The following SMURF1 variants were observed in gnomAD, a reference collection of about 807,000 sequenced individuals.
SMURF1 encodes E3 ubiquitin-protein ligase SMURF1.
In SMURF1, 44 loss-of-function variants were observed where a neutral mutation model predicts 98.0. That is an observed-to-expected ratio of 0.45 (90% confidence interval 0.35 to 0.58). SMURF1 has a LOEUF of 0.58. SMURF1 is among the 20% of genes least tolerant of loss of function. The pLI is 0.00. For missense variants in SMURF1, 687 were observed against 938.4 expected, an observed-to-expected ratio of 0.73 and a Z score of 3.50; for synonymous variants, 396 against 374.9, an observed-to-expected ratio of 1.06 and a Z score of -0.65.
intron 11 of SMURF1, among the ~76,000 whole-genome samples, chr7:99,044,083 G>A (rs6972455): frequency 0.12 from 18,346 of 152,194 alleles, 1,307 homozygotes; most frequent in East Asian, 0.21. Context: ...AAGCCAAGGC[G>A]GGAGGATCAC....
intron 3 of SMURF1, among the ~76,000 whole-genome samples, chr7:99,059,223 C>A (rs1795959395): frequency 6.6e-6 from 1 of 150,470 alleles, no homozygotes; most frequent in Non-Finnish European, 1.5e-5. Flanking sequence ...AACGGTGAAA[C>A]CCCGTCTCTA....
Position 99,030,440 on chromosome 7 carries a change from C to T in SMURF1, c.*144G>A. ...CAACAAAAGTCCCCCATCCCCCTCC[C>T]CCAACAGAAAGGAGAGAGACAACCC... On this transcript the variant is annotated 3_prime_UTR_variant, in exon 18 of 18. Transcript: ENST00000361368. 1 of 697,262 alleles carries T rather than the reference C, an allele frequency of 1.4e-6. No individual in the cohort carries two copies. The highest frequency in any genetic ancestry group is 1.8e-5 in the South Asian group (1 of 56,222). 43.2% of individuals were successfully genotyped at this position (697,262 alleles called of 1,614,324 possible).
In SMURF1 at chr7:99,055,605, G is replaced by T. The variant is rs1000273884; in HGVS notation, c.404-740C>A. On this transcript the variant is annotated intron_variant, in intron 5 of 17. Coordinates refer to ENST00000361368, the MANE Select transcript of SMURF1 (RefSeq NM_181349.3). ...TCCCACCTCAGCCTCAGAGTAGCTA[G>T]ACTACAGGCATGTGCCACTGAGCCC... Among the ~76,000 whole-genome samples the T allele has an allele frequency of 2.0e-5, 3 of 152,174 alleles. No individual in the cohort carries two copies. In the East Asian group the frequency reaches 5.8e-4, roughly 29 times the overall value.
intron 6 of SMURF1, among the ~76,000 whole-genome samples, chr7:99,053,386 G>T (rs976980426): frequency 1.3e-5 from 2 of 151,864 alleles, no homozygotes; most frequent in Non-Finnish European, 2.9e-5. Context: ...AACATTTTAT[G>T]ACTTCATCCT....
chr7:99,093,675 TAA>T (rs1024324148), intron 1 of SMURF1, among the ~76,000 whole-genome samples: 1 of 152,114 alleles, frequency 6.6e-6, no homozygotes, highest in Admixed American at 6.5e-5. Flanking sequence ...CCTCCTTGTA[TAA>T]AGAGTTTCTC....
At chr7:99,109,849 A>G (rs1011832953) in intron 1 of SMURF1, among the ~76,000 whole-genome samples, 1 of 152,214 alleles carries the variant, frequency 6.6e-6, no homozygotes, top group Non-Finnish European at 1.5e-5. Context: ...ACATATTTCA[A>G]TTCAAAAGCT....
chr7:99,057,158 G>C (rs375188496), intron 5 of SMURF1, 47 bp downstream of exon 5: 1 of 1,602,192 alleles, frequency 6.2e-7, no homozygotes, highest in Admixed American at 1.7e-5. Flanking sequence ...AGGGTTGAAT[G>C]TAAGTTCTGG....
At chr7:99,108,094 C>T (rs141962248) in intron 1 of SMURF1, among the ~76,000 whole-genome samples, 1 of 152,218 alleles carries the variant, frequency 6.6e-6, no homozygotes, top group African/African-American at 2.4e-5. Flanking sequence ...CAGAACAAAC[C>T]TCATCACACT....
intron 1 of SMURF1, among the ~76,000 whole-genome samples, chr7:99,075,243 C>G (rs567506663): frequency 1.3e-5 from 2 of 152,268 alleles, no homozygotes; most frequent in East Asian, 3.9e-4. Flanking sequence ...CTCAGCCTCC[C>G]CAAGTAGCTG....
intron 6 of SMURF1, among the ~76,000 whole-genome samples, chr7:99,054,411 A>G (rs1795832676): frequency 6.6e-6 from 1 of 151,986 alleles, no homozygotes; most frequent in Admixed American, 6.6e-5. Context: ...GGTTCAAGCA[A>G]TTCTCCTGCC....
chr7:99,061,032 C>T (rs1181742482), intron 2 of SMURF1, among the ~76,000 whole-genome samples: 1 of 152,148 alleles, frequency 6.6e-6, no homozygotes, highest in Non-Finnish European at 1.5e-5. Flanking sequence ...CTGATCTTTG[C>T]CTATCTTATC....
intron 1 of SMURF1, among the ~76,000 whole-genome samples, chr7:99,079,454 G>A (rs1378348528): frequency 2.6e-5 from 4 of 152,164 alleles, no homozygotes; most frequent in African/African-American, 9.7e-5. Flanking sequence ...ACAGAACCAA[G>A]AACCATTCAA....
intron 1 of SMURF1, among the ~76,000 whole-genome samples, chr7:99,131,561 T>C (rs375763028): frequency 5.3e-5 from 8 of 152,214 alleles, no homozygotes; most frequent in African/African-American, 1.7e-4. Context: ...CTGGGCAATA[T>C]AGTGAGACCC....
intron 1 of SMURF1, among the ~76,000 whole-genome samples, chr7:99,065,628 T>C (rs1227665795): frequency 6.6e-6 from 1 of 152,174 alleles, no homozygotes; most frequent in Non-Finnish European, 1.5e-5. Context: ...TTCCAAAGCT[T>C]GGAATATCTC....
chr7:99,057,141 G>A, intron 5 of SMURF1, 64 bp downstream of exon 5: 1 of 1,574,136 alleles, frequency 6.4e-7, no homozygotes, highest in East Asian at 2.2e-5. Flanking sequence ...TGAGTTCTCG[G>A]CGATGAAGGG....
chr7:99,117,563 C>G (rs1158936497), intron 1 of SMURF1, among the ~76,000 whole-genome samples: 1 of 151,240 alleles, frequency 6.6e-6, no homozygotes, highest in Non-Finnish European at 1.5e-5. Context: ...GTTGGCCAGG[C>G]TGGTCTCAAA....
At chr7:99,083,494 T>A (rs1796613477) in intron 1 of SMURF1, among the ~76,000 whole-genome samples, 1 of 152,240 alleles carries the variant, frequency 6.6e-6, no homozygotes, top group African/African-American at 2.4e-5. Context: ...TTGTAAATTA[T>A]TCAATGGAAT....
At chr7:99,050,870 A>C (rs1315611577) in intron 8 of SMURF1, 1 of 1,277,660 alleles carries the variant, frequency 7.8e-7, no homozygotes, top group East Asian at 3.4e-5. Context: ...AAAAGAAAAA[A>C]AGAAACTTAA....
At chr7:99,141,503 A>C (rs1798116652) in intron 1 of SMURF1, among the ~76,000 whole-genome samples, 1 of 152,236 alleles carries the variant, frequency 6.6e-6, no homozygotes, top group Admixed American at 6.5e-5. Context: ...CACATAAATA[A>C]AAATGTATCT....
Sources: allele counts gnomAD v4.1 joint callset (sites outside exome capture counted in the v4.1 genomes callset), GRCh38; gene constraint gnomAD v4.1.1; transcripts MANE v1.5; gene names NCBI Gene and HGNC (gene_info 2026-07-23, HGNC 2026-07-21).